The following EYA2 variants were observed in gnomAD, a reference collection of about 807,000 sequenced individuals.
EYA2 encodes EYA transcriptional coactivator and phosphatase 2.
In EYA2, 31 loss-of-function variants were observed where a neutral mutation model predicts 69.2. The observed-to-expected ratio is 0.45, with a 90% CI of 0.34 to 0.60. The LOEUF (loss-of-function observed/expected upper bound fraction) is 0.60. Among genes scored for constraint, EYA2 ranks in the 20% least tolerant of loss-of-function variants. The probability of loss-of-function intolerance (pLI) is 0.02; values close to 1 mark genes in which losing one functional copy is unlikely to be tolerated. For missense variants in EYA2, 622 were observed against 701.2 expected, an observed-to-expected ratio of 0.89 and a Z score of 1.28; for synonymous variants, 257 against 279.4, an observed-to-expected ratio of 0.92 and a Z score of 0.80.
intron 9 of EYA2, among the ~76,000 whole-genome samples, chr20:47,099,537 A>G (rs980168097): frequency 2.0e-5 from 3 of 152,158 alleles, no homozygotes; most frequent in African/African-American, 7.2e-5. Flanking sequence ...TCAATCAATA[A>G]AAAGAGAGCC....
At chr20:46,959,980 C>T (rs1442170396) in intron 1 of EYA2, among the ~76,000 whole-genome samples, 2 of 152,158 alleles carry the variant, frequency 1.3e-5, no homozygotes, top group African/African-American at 4.8e-5. Context: ...TCTGAAATCA[C>T]GAGAAGGGGT....
chr20:47,037,607 C>G (rs910685905), intron 5 of EYA2, among the ~76,000 whole-genome samples: 1 of 152,188 alleles, frequency 6.6e-6, no homozygotes, highest in Non-Finnish European at 1.5e-5. Flanking sequence ...AGGGGAGCAT[C>G]TGTTCCCTTG....
chr20:47,063,392 C>CGTGTGCGTGTGTGTGT lies in EYA2; in HGVS notation c.416-8788_416-8787insCGTGTGTGTGTGTGTG, dbSNP rs1430441053. On this transcript the variant is annotated intron_variant, in intron 5 of 15. Coordinates refer to ENST00000327619, the MANE Select transcript of EYA2 (RefSeq NM_005244.5). ...GTTTATTTGTGTGTGTGTGCGTGTG[C>CGTGTGCGTGTGTGTGT]GTGTGTGTGTGTGTGTGTGTGTGTG... Among the ~76,000 whole-genome samples the CGTGTGCGTGTGTGTGT allele has an allele frequency of 2.2e-4, 32 of 143,490 alleles. 1 individual carries two copies. The highest frequency in any genetic ancestry group is 7.1e-4 in the African/African-American group (27 of 37,964). The allele number at this position is 143,490 out of a possible 152,430, so 94.1% of individuals were successfully genotyped here.
At chr20:47,135,818 CAAAAAAAAA>C (rs1201324879) in intron 9 of EYA2, among the ~76,000 whole-genome samples, 2 of 33,262 alleles carry the variant, frequency 6.0e-5, no homozygotes, top group Non-Finnish European at 1.1e-4. Context: ...CCTGTCTCTA[CAAAAAAAAA>C]AAAAAAAAAA....
chr20:46,928,505 T>C (rs1430244752), intron 1 of EYA2, among the ~76,000 whole-genome samples: 1 of 152,150 alleles, frequency 6.6e-6, no homozygotes, highest in Non-Finnish European at 1.5e-5. Context: ...CCCCATTTTA[T>C]AGACAAAGAG....
chr20:46,895,063 C>A (rs73622688), intron 1 of EYA2, 76 bp downstream of exon 1: 46,333 of 151,856 alleles, frequency 0.31, 8,280 homozygotes, highest in East Asian at 0.44. Flanking sequence ...TCACCGGGAC[C>A]CCCTCGCCCT....
Position 47,097,186 on chromosome 20 carries a change from C to A in EYA2, c.888+18C>A. On this transcript the variant is annotated intron_variant, in intron 9 of 15. Coordinates refer to ENST00000327619, the MANE Select transcript of EYA2 (RefSeq NM_005244.5). ...ACGGGAAGGTAAGAATCCATTTTGT[C>A]TCTCTCTCTCTTTTTTTGTTTTCAA... 6.5e-7 allele frequency: 1 copy of A among 1,530,536 alleles called. No individual in the cohort carries two copies. The highest frequency in any genetic ancestry group is 1.8e-5 in the Admixed American group (1 of 55,594). The allele number at this position is 1,530,536 out of a possible 1,614,324, so 94.8% of individuals were successfully genotyped here.
intron 5 of EYA2, among the ~76,000 whole-genome samples, chr20:47,047,124 A>C (rs1045430612): frequency 6.6e-6 from 1 of 152,156 alleles, no homozygotes; most frequent in East Asian, 1.9e-4. Flanking sequence ...ATCCCCATGA[A>C]TATCCACTTA....
chr20:47,013,000 A>G (rs932100178), intron 4 of EYA2, among the ~76,000 whole-genome samples: 51 of 152,252 alleles, frequency 3.3e-4, no homozygotes, highest in Non-Finnish European at 6.6e-4. Context: ...TGCCATTTTC[A>G]TATTCTCTTC....
At chr20:47,165,273 C>A (rs1200750660) in intron 10 of EYA2, among the ~76,000 whole-genome samples, 1 of 152,060 alleles carries the variant, frequency 6.6e-6, no homozygotes, top group Non-Finnish European at 1.5e-5. Context: ...GTAGATTATA[C>A]CTGAGACCAC....
chr20:47,107,337 C>T (rs556683190), intron 9 of EYA2, among the ~76,000 whole-genome samples: 7 of 151,388 alleles, frequency 4.6e-5, no homozygotes, highest in East Asian at 1.9e-4. Context: ...CCAGCCTGCC[C>T]GTTATGGTGA....
intron 1 of EYA2, among the ~76,000 whole-genome samples, chr20:46,898,652 T>C (rs1983937640): frequency 1.3e-5 from 2 of 152,216 alleles, no homozygotes; most frequent in Admixed American, 6.5e-5. Flanking sequence ...TAATGGTGTT[T>C]GACTAACACC....
At chr20:46,959,654 ACGCACACG>A (rs1979348822) in intron 1 of EYA2, among the ~76,000 whole-genome samples, 1 of 152,130 alleles carries the variant, frequency 6.6e-6, no homozygotes. Flanking sequence ...ACGCACACGC[ACGCACACG>A]CACGCACGTA....
chr20:46,985,759 G>A (rs1215099958), intron 1 of EYA2, among the ~76,000 whole-genome samples: 1 of 152,098 alleles, frequency 6.6e-6, no homozygotes, highest in Admixed American at 6.6e-5. Flanking sequence ...CAAGAATAAG[G>A]CAATACTCTT....
intron 1 of EYA2, among the ~76,000 whole-genome samples, chr20:46,906,280 C>T (rs6018151): frequency 0.39 from 59,268 of 152,130 alleles, 13,306 homozygotes; most frequent in Non-Finnish European, 0.52. Context: ...GAAGCTTTCC[C>T]TGTGATCTAT....
At chr20:47,133,427 T>C (rs1281390349) in intron 9 of EYA2, among the ~76,000 whole-genome samples, 5 of 152,196 alleles carry the variant, frequency 3.3e-5, no homozygotes, top group Non-Finnish European at 7.3e-5. Flanking sequence ...TAACTGCTAA[T>C]TTACGGATGT....
intron 11 of EYA2, among the ~76,000 whole-genome samples, chr20:47,169,587 T>C (rs1394208573): frequency 1.3e-5 from 2 of 152,186 alleles, no homozygotes; most frequent in Non-Finnish European, 2.9e-5. Flanking sequence ...TCTGCTCATT[T>C]ATTGCTATTT....
chr20:46,984,900 G>A (rs372426517), intron 1 of EYA2, among the ~76,000 whole-genome samples: 34 of 152,226 alleles, frequency 2.2e-4, no homozygotes, highest in Admixed American at 1.9e-3. Context: ...AAATTCAATA[G>A]AGTGGGTGTG....
At chr20:47,027,386 T>C (rs1984155284) in intron 5 of EYA2, among the ~76,000 whole-genome samples, 1 of 152,184 alleles carries the variant, frequency 6.6e-6, no homozygotes, top group Admixed American at 6.5e-5. Flanking sequence ...TCAGCAACTC[T>C]TCTGCACACA....
Sources: allele counts gnomAD v4.1 joint callset (sites outside exome capture counted in the v4.1 genomes callset), GRCh38; gene constraint gnomAD v4.1.1; transcripts MANE v1.5; gene names NCBI Gene and HGNC (gene_info 2026-07-23, HGNC 2026-07-21).